The following UMAD1 variants were observed in gnomAD, a reference collection of about 807,000 sequenced individuals.
UMAD1 encodes the protein UBAP1-MVB12-associated (UMA) domain containing 1, also known as UBAP1-MVB12-associated (UMA)-domain containing protein 1.
In UMAD1, 8 loss-of-function variants were observed where a neutral mutation model predicts 6.1. That is an observed-to-expected ratio of 1.30 (90% CI 0.76 to 2.35). The LOEUF is 2.35. UMAD1 is among the 30% of genes most tolerant of loss of function. The pLI is 0.00. For synonymous variants in UMAD1, 56 were observed against 31.4 expected, an observed-to-expected ratio of 1.78 and a Z score of -2.61; for missense variants, 130 against 78.4, an observed-to-expected ratio of 1.66 and a Z score of -2.49.
At chr7:7,805,121 A>G (rs1364445058) in intron 3 of UMAD1, among the ~76,000 whole-genome samples, 2 of 152,138 alleles carry the variant, frequency 1.3e-5, no homozygotes, top group Non-Finnish European at 2.9e-5. Flanking sequence ...GTAGAAGTTG[A>G]TGACTCCTAA....
chr7:7,754,188 AAAAG>A (rs1280358478), intron 2 of UMAD1, among the ~76,000 whole-genome samples: 3 of 152,126 alleles, frequency 2.0e-5, no homozygotes, highest in African/African-American at 7.2e-5. Flanking sequence ...TCCGTCTCAA[AAAAG>A]AAAGAAAAAA....
chr7:7,765,674 T>G (rs891274175), intron 2 of UMAD1, among the ~76,000 whole-genome samples: 1 of 152,188 alleles, frequency 6.6e-6, no homozygotes, highest in Non-Finnish European at 1.5e-5. Flanking sequence ...GCTCACATTC[T>G]TGTTATGAGC....
At chr7:7,793,272 A>G (rs1782605122) in intron 2 of UMAD1, among the ~76,000 whole-genome samples, 1 of 152,200 alleles carries the variant, frequency 6.6e-6, no homozygotes, top group Non-Finnish European at 1.5e-5. Flanking sequence ...AACTTGTACA[A>G]GGTCATAGAT....
intron 2 of UMAD1, among the ~76,000 whole-genome samples, chr7:7,795,443 T>A (rs1377692533): frequency 2.0e-5 from 3 of 152,192 alleles, no homozygotes; most frequent in Non-Finnish European, 4.4e-5. Flanking sequence ...TGGAAAGGAA[T>A]CCTGATCTTG....
intron 2 of UMAD1, among the ~76,000 whole-genome samples, chr7:7,707,719 T>C (rs976770176): frequency 6.6e-6 from 1 of 152,354 alleles, no homozygotes; most frequent in Non-Finnish European, 1.5e-5. Context: ...AGTGTTAATA[T>C]ATAATGCTTT....
chr7:7,804,344 A>G (rs552998358), intron 3 of UMAD1, among the ~76,000 whole-genome samples: 23 of 152,368 alleles, frequency 1.5e-4, no homozygotes, highest in African/African-American at 5.3e-4. Context: ...GACAGTAAGC[A>G]TCTAACATGG....
intron 2 of UMAD1, among the ~76,000 whole-genome samples, chr7:7,723,530 G>A (rs958641395): frequency 6.6e-6 from 1 of 152,144 alleles, no homozygotes; most frequent in Non-Finnish European, 1.5e-5. Context: ...GAGTGGATTA[G>A]TCACTTTAGA....
At position 7,640,763 on chromosome 7, in the gene UMAD1, G is replaced by A. The variant is rs1784949314; in HGVS notation, c.-122G>A. 4.1e-6 allele frequency: 1 copy of A among 246,826 alleles called. No homozygotes were observed. The highest frequency in any genetic ancestry group is 5.6e-5 in the Admixed American group (1 of 17,798). The allele number at this position is 246,826 out of a possible 1,614,324, so 15.3% of individuals were successfully genotyped here. A position where few individuals can be genotyped will look rare whatever the true frequency, so the allele number is the denominator to read the frequency against. On this transcript the variant is annotated 5_prime_UTR_variant, in exon 1 of 4. Transcript: ENST00000682710. The stretch of plus-strand genomic sequence containing the variant: ...GGATTCCCGGCGGTGACTTGACCCC[G>A]GAAGTGGGGTGTGAAGCTCCGGTGC...
chr7:7,815,010 G>A (rs539888833), intron 3 of UMAD1, among the ~76,000 whole-genome samples: 2 of 152,204 alleles, frequency 1.3e-5, no homozygotes, highest in East Asian at 3.9e-4. Flanking sequence ...TCTCCCTTCT[G>A]TATACACTTT....
At chr7:7,665,672 C>G (rs959446313) in intron 1 of UMAD1, among the ~76,000 whole-genome samples, 2 of 152,100 alleles carry the variant, frequency 1.3e-5, no homozygotes, top group African/African-American at 2.4e-5. Flanking sequence ...CCTTGTCATC[C>G]CTCCTTCCTT....
intron 2 of UMAD1, among the ~76,000 whole-genome samples, chr7:7,708,977 G>A (rs1780679521): frequency 6.6e-6 from 1 of 151,874 alleles, no homozygotes; most frequent in Non-Finnish European, 1.5e-5. Flanking sequence ...GGGAGAGGAA[G>A]GGAGAAAGTG....
chr7:7,739,001 G>A (rs897768586), intron 2 of UMAD1: 1 of 152,140 alleles, frequency 6.6e-6, no homozygotes, highest in Non-Finnish European at 1.5e-5. Context: ...AGAACAGGGA[G>A]AAATTTCAGG....
intron 2 of UMAD1, among the ~76,000 whole-genome samples, chr7:7,790,929 T>C (rs963719293): frequency 6.6e-6 from 1 of 152,212 alleles, no homozygotes; most frequent in Non-Finnish European, 1.5e-5. Flanking sequence ...CTTGCTCTGC[T>C]GTCCAGGCTG....
At chr7:7,806,240 A>C (rs1466408217) in intron 3 of UMAD1, among the ~76,000 whole-genome samples, 26 of 101,478 alleles carry the variant, frequency 2.6e-4, no homozygotes, top group Non-Finnish European at 2.3e-5. Flanking sequence ...AAAGAACAGC[A>C]GGGTTTTTTT....
intron 3 of UMAD1, among the ~76,000 whole-genome samples, chr7:7,847,695 TC>T (rs1331059584): frequency 6.6e-6 from 1 of 152,050 alleles, no homozygotes; most frequent in Non-Finnish European, 1.5e-5. Flanking sequence ...TCATGACTCT[TC>T]CCGACTCTGG....
intron 2 of UMAD1, among the ~76,000 whole-genome samples, chr7:7,680,737 A>G (rs1779888397): frequency 6.6e-6 from 1 of 151,686 alleles, no homozygotes; most frequent in Non-Finnish European, 1.5e-5. Context: ...GTATTTTATA[A>G]TTTTTATTTT....
intron 2 of UMAD1, among the ~76,000 whole-genome samples, chr7:7,786,429 G>A (rs1249050772): frequency 6.6e-6 from 1 of 152,250 alleles, no homozygotes; most frequent in African/African-American, 2.4e-5. Flanking sequence ...CTATCAGGTG[G>A]TGCACAGCTC....
intron 3 of UMAD1, among the ~76,000 whole-genome samples, chr7:7,838,659 T>C (rs1163853237): frequency 6.6e-6 from 1 of 152,200 alleles, no homozygotes; most frequent in Non-Finnish European, 1.5e-5. Context: ...ATCACAGTGC[T>C]ATTCATGGTA....
At chr7:7,673,787 A>G (rs1270798494) in intron 2 of UMAD1, among the ~76,000 whole-genome samples, 2 of 151,976 alleles carry the variant, frequency 1.3e-5, no homozygotes, top group African/African-American at 4.8e-5. Context: ...TATAAATAGT[A>G]CTAACCTTGT....
Sources: gnomAD v4.1 joint callset for allele counts (sites outside exome capture counted in the v4.1 genomes callset) on GRCh38, gnomAD v4.1.1 for gene constraint, MANE v1.5 for transcripts, NCBI Gene and HGNC (gene_info 2026-07-23, HGNC 2026-07-21) for gene names.